Variants in ZDHHC20 observed in about 807,000 individuals in gnomAD.
The protein encoded by ZDHHC20 is palmitoyltransferase ZDHHC20.
A neutral mutation model predicts 57.8 loss-of-function variants in ZDHHC20; 43 were observed. The ratio of observed to expected loss-of-function variants is 0.74; its 90% CI spans 0.58 to 0.96. The LOEUF (loss-of-function observed/expected upper bound fraction) is 0.96, where lower values mean the gene tolerates loss of function less well. ZDHHC20 is among the 40% of genes least tolerant of loss of function. ZDHHC20 has a pLI of 0.00. For missense variants in ZDHHC20, 391 were observed against 441.1 expected, an observed-to-expected ratio of 0.89 and a Z score of 1.02; for synonymous variants, 157 against 153.0, an observed-to-expected ratio of 1.03 and a Z score of -0.19.
At chr13:21,381,895 A>G (rs745832324) in intron 10 of ZDHHC20, 1 of 547,548 alleles carries the variant, frequency 1.8e-6, no homozygotes, top group Non-Finnish European at 3.6e-6. Context: ...AGTACAAAAC[A>G]ATTACCTGTC....
At chr13:21,419,620 T>C (rs1048264397) in intron 3 of ZDHHC20, among the ~76,000 whole-genome samples, 7 of 152,216 alleles carry the variant, frequency 4.6e-5, no homozygotes, top group Non-Finnish European at 8.8e-5. Flanking sequence ...ACTATGACTA[T>C]ACACATACAC....
Position 21,446,476 on chromosome 13 carries a change from T to C in ZDHHC20, c.118+12578A>G, listed in dbSNP as rs145403644. On this transcript the variant is annotated intron_variant, in intron 1 of 12. Transcript: ENST00000400590. ...ATATGCTGTTGAATTAGTATGTCCA[T>C]AAAAATTAATTCTTCCTATGATTCC... Among the ~76,000 whole-genome samples, 781 of 152,352 alleles carry C rather than the reference T, an allele frequency of 5.1e-3. 10 individuals carry two copies. The highest frequency in any genetic ancestry group is 0.018 in the African/African-American group (746 of 41,582).
intron 2 of ZDHHC20, among the ~76,000 whole-genome samples, chr13:21,423,502 T>A (rs1880881812): frequency 6.6e-6 from 1 of 151,828 alleles, no homozygotes; most frequent in Admixed American, 6.6e-5. Context: ...ATGGTAGAAC[T>A]CCATCTCTAC....
At chr13:21,423,447 G>A (rs1880873435) in intron 2 of ZDHHC20, among the ~76,000 whole-genome samples, 1 of 152,036 alleles carries the variant, frequency 6.6e-6, no homozygotes, top group Admixed American at 6.6e-5. Flanking sequence ...AGGCTGGGGC[G>A]GGCGGATCAC....
chr13:21,452,354 A>T (rs1884525613), intron 1 of ZDHHC20, among the ~76,000 whole-genome samples: 1 of 152,190 alleles, frequency 6.6e-6, no homozygotes, highest in African/African-American at 2.4e-5. Flanking sequence ...TGACATGCAA[A>T]CTATGTCTCG....
intron 1 of ZDHHC20, among the ~76,000 whole-genome samples, chr13:21,437,279 A>G (rs1882652316): frequency 6.6e-6 from 1 of 152,244 alleles, no homozygotes; most frequent in Admixed American, 6.5e-5. Flanking sequence ...GCAAGTTTTT[A>G]TGTAAAAGCT....
At chr13:21,385,417 A>G (rs1296045443) in intron 9 of ZDHHC20, among the ~76,000 whole-genome samples, 1 of 152,236 alleles carries the variant, frequency 6.6e-6, no homozygotes, top group African/African-American at 2.4e-5. Flanking sequence ...CGACAGAGCA[A>G]GACTCTGTCT....
intron 1 of ZDHHC20, among the ~76,000 whole-genome samples, chr13:21,428,492 T>C (rs370726134): frequency 6.6e-6 from 1 of 151,910 alleles, no homozygotes; most frequent in Non-Finnish European, 1.5e-5. Context: ...GTGCTGGGAT[T>C]ACAGGCGTGA....
intron 1 of ZDHHC20, among the ~76,000 whole-genome samples, chr13:21,448,876 A>C (rs1884145558): frequency 1.1e-5 from 1 of 91,344 alleles, no homozygotes. Context: ...TGCACTAAGA[A>C]AAATTCTTCT....
chr13:21,438,472 T>C lies in ZDHHC20; in HGVS notation c.119-12794A>G, dbSNP rs187294745. On this transcript the variant is annotated intron_variant, in intron 1 of 12. Coordinates refer to ENST00000400590, the MANE Select transcript of ZDHHC20 (RefSeq NM_001330059.2). ...GATGTGGTGAAAACAGCAAGAGAAGTAGAATAAGAAACAGAGCCTGAAGAT... is the reference window on the plus strand; with the variant it reads ...GATGTGGTGAAAACAGCAAGAGAAGCAGAATAAGAAACAGAGCCTGAAGAT... Among the ~76,000 whole-genome samples, 129 of 152,160 alleles carry C rather than the reference T, an allele frequency of 8.5e-4. 1 individual carries two copies. Among genetic ancestry groups the C allele is most frequent in the Middle Eastern group, 6.8e-3 (2 of 294 alleles).
chr13:21,436,695 G>A (rs1882584644), intron 1 of ZDHHC20, among the ~76,000 whole-genome samples: 1 of 152,108 alleles, frequency 6.6e-6, no homozygotes, highest in African/African-American at 2.4e-5. Context: ...CAACAATACT[G>A]CAATCAAGCC....
intron 1 of ZDHHC20, 96 bp downstream of exon 1, chr13:21,458,951 CCGGCGCT>C (rs1259068796): frequency 1.1e-5 from 9 of 852,466 alleles, no homozygotes; most frequent in Non-Finnish European, 1.5e-5. Flanking sequence ...CGCCCGGCGT[CCGGCGCT>C]GGCTCCAGAA....
intron 1 of ZDHHC20, among the ~76,000 whole-genome samples, chr13:21,431,406 C>G (rs1234128787): frequency 6.6e-6 from 1 of 152,198 alleles, no homozygotes; most frequent in African/African-American, 2.4e-5. Context: ...TCCCACAACA[C>G]AGGGGAAATT....
intron 1 of ZDHHC20, among the ~76,000 whole-genome samples, chr13:21,447,633 A>C (rs1393408745): frequency 7.3e-6 from 1 of 137,428 alleles, no homozygotes; most frequent in Non-Finnish European, 1.6e-5. Context: ...GGCTCACTAC[A>C]ACCTACACCT....
chr13:21,391,869 A>G lies in ZDHHC20; in HGVS notation c.595-15T>C, dbSNP rs1875789313. 2 of 1,603,528 alleles carry G rather than the reference A, an allele frequency of 1.2e-6. No homozygotes were observed. Among genetic ancestry groups the G allele is most frequent in the Non-Finnish European group, 1.7e-6 (2 of 1,175,710 alleles). On this transcript the variant is annotated splice_polypyrimidine_tract_variant and intron_variant, in intron 7 of 12. Transcript: ENST00000400590. Reference sequence around the variant, plus strand: ...GTCAGTTCATTCTGAGGAAAAAAAGAAGTTAATTTTGAGGTCAACCTCTAA... The same window carrying G: ...GTCAGTTCATTCTGAGGAAAAAAAGGAGTTAATTTTGAGGTCAACCTCTAA...
At chr13:21,408,781 G>A (rs185934006) in intron 4 of ZDHHC20, among the ~76,000 whole-genome samples, 21 of 152,226 alleles carry the variant, frequency 1.4e-4, no homozygotes, top group African/African-American at 4.3e-4. Context: ...TTTGAGATGC[G>A]TTCCATCAAT....
At chr13:21,439,451 G>A (rs1229122348) in intron 1 of ZDHHC20, among the ~76,000 whole-genome samples, 1 of 152,048 alleles carries the variant, frequency 6.6e-6, no homozygotes, top group East Asian at 1.9e-4. Context: ...AGTGAGCCAC[G>A]AACACACCAC....
chr13:21,451,968 T>A (rs530010769), intron 1 of ZDHHC20, among the ~76,000 whole-genome samples: 10 of 152,108 alleles, frequency 6.6e-5, no homozygotes, highest in African/African-American at 2.4e-4. Flanking sequence ...CACTCCACCC[T>A]GGGCAACAAG....
chr13:21,382,839 T>C (rs1158505611), intron 10 of ZDHHC20, 81 bp downstream of exon 10: 6 of 1,163,826 alleles, frequency 5.2e-6, no homozygotes, highest in Non-Finnish European at 7.4e-6. Flanking sequence ...CTACTGTATT[T>C]ACTCATAAGA....
Sources: allele counts gnomAD v4.1 joint callset (sites outside exome capture counted in the v4.1 genomes callset), GRCh38; gene constraint gnomAD v4.1.1; transcripts MANE v1.5; gene names NCBI Gene and HGNC (gene_info 2026-07-23, HGNC 2026-07-21).